Variants in ELMOD3 observed in about 807,000 individuals in gnomAD.
ELMOD3 encodes the protein ELMO domain containing 3.
In ELMOD3, 36 loss-of-function variants were observed where a neutral mutation model predicts 47.4. The ratio of observed to expected loss-of-function variants is 0.76; its 90% CI spans 0.58 to 1.00. The LOEUF (loss-of-function observed/expected upper bound fraction) is 1.00. ELMOD3 is among the 50% of genes least tolerant of loss of function. The pLI, the probability that ELMOD3 is intolerant of heterozygous loss-of-function variation, is 0.00. For missense variants in ELMOD3, 404 were observed against 463.8 expected, an observed-to-expected ratio of 0.87 and a Z score of 1.18; for synonymous variants, 149 against 183.5, an observed-to-expected ratio of 0.81 and a Z score of 1.52.
rs1215474115 is a variant in ELMOD3, at chr2:85,357,742, T to C, written c.54+490T>C. ...TGGGACAAAGCCTTTGCTTTGGGTC[T>C]CCAGAAAGATTTTCTTCACTGTAGT... On this transcript the variant is annotated intron_variant, in intron 4 of 13. Transcript: ENST00000409013. Among the ~76,000 whole-genome samples the C allele has an allele frequency of 1.3e-5, 2 of 152,200 alleles. 1 individual carries two copies. The highest frequency in any genetic ancestry group is 4.1e-4 in the South Asian group (2 of 4,834).
At chr2:85,361,664 T>C (rs576088684) in intron 4 of ELMOD3, among the ~76,000 whole-genome samples, 2 of 152,156 alleles carry the variant, frequency 1.3e-5, no homozygotes, top group Non-Finnish European at 2.9e-5. Context: ...GCCCGGTGGC[T>C]CACGCCTGTA....
chr2:85,361,812 T>A (rs541776575), intron 4 of ELMOD3, among the ~76,000 whole-genome samples: 325 of 152,108 alleles, frequency 2.1e-3, no homozygotes, highest in Non-Finnish European at 3.8e-3. Context: ...GCGCCTGTAG[T>A]CCCAGCTACT....
chr2:85,374,416 G>A (rs897983555), intron 10 of ELMOD3, among the ~76,000 whole-genome samples: 20 of 151,998 alleles, frequency 1.3e-4, no homozygotes, highest in Non-Finnish European at 2.6e-4. Flanking sequence ...ATCTCAGCTC[G>A]CTGCAACCTC....
rs1021969317 is a variant in ELMOD3, at chr2:85,362,384, C to T, written c.129+124C>T. 1.1e-5 allele frequency: 8 copies of T among 708,570 alleles called. No homozygotes were observed. In the African/African-American group the frequency reaches 1.4e-4, roughly 12 times the overall value. 43.9% of individuals were successfully genotyped at this position (708,570 alleles called of 1,614,324 possible). A position where few individuals can be genotyped will look rare whatever the true frequency, so the allele number is the denominator to read the frequency against. On this transcript the variant is annotated intron_variant, in intron 5 of 13. Transcript: ENST00000409013. ...GCATAGACCTTAGCTTCCAAGAGCT[C>T]ACACTTGAGGGGAGTGAGGGGAGGG...
At chr2:85,388,115 T>C (rs1686063345) in intron 11 of ELMOD3, among the ~76,000 whole-genome samples, 2 of 152,158 alleles carry the variant, frequency 1.3e-5, no homozygotes, top group South Asian at 4.1e-4. Flanking sequence ...AAAGCTGGTG[T>C]TCTGCATAAA....
intron 4 of ELMOD3, among the ~76,000 whole-genome samples, chr2:85,361,829 G>A (rs1038952746): frequency 5.3e-5 from 8 of 152,120 alleles, no homozygotes; most frequent in African/African-American, 1.4e-4. Flanking sequence ...TACTCGGAAG[G>A]CTGAGGCAGG....
chr2:85,361,772 A>G (rs931127007), intron 4 of ELMOD3, among the ~76,000 whole-genome samples: 1 of 152,060 alleles, frequency 6.6e-6, no homozygotes, highest in Non-Finnish European at 1.5e-5. Flanking sequence ...TACTAAAAAT[A>G]CAAAAAAAAT....
intron 11 of ELMOD3, chr2:85,387,242 C>T (rs565711013): frequency 1.5e-5 from 17 of 1,149,638 alleles, no homozygotes; most frequent in East Asian, 7.2e-5. Flanking sequence ...ATAATAACGA[C>T]GAACATTTGT....
intron 10 of ELMOD3, 142 bp from the exon 11 acceptor site, chr2:85,377,202 C>T: frequency 1.4e-6 from 1 of 733,294 alleles, no homozygotes. Flanking sequence ...AGAATGAGCC[C>T]CACAAGTGTG....
intron 11 of ELMOD3, 87 bp downstream of exon 11, chr2:85,377,561 A>G: frequency 7.1e-7 from 1 of 1,411,050 alleles, no homozygotes; most frequent in Non-Finnish European, 9.5e-7. Flanking sequence ...GACAGCTGAG[A>G]TAAACCAGGA....
chr2:85,370,841 T>C (rs766235063), intron 8 of ELMOD3, among the ~76,000 whole-genome samples: 3 of 152,228 alleles, frequency 2.0e-5, no homozygotes, highest in Non-Finnish European at 2.9e-5. Flanking sequence ...ATGCAAATAA[T>C]GGCTGATAAT....
chr2:85,373,466 G>A lies in ELMOD3; in HGVS notation c.607+1904G>A, dbSNP rs150546158. 1.8e-3 allele frequency among the ~76,000 whole-genome samples: 279 copies of A among 152,078 alleles called. 3 individuals are homozygous for A. The highest frequency in any genetic ancestry group is 6.3e-3 in the African/African-American group (263 of 41,512). On this transcript the variant is annotated intron_variant, in intron 10 of 13. Coordinates refer to ENST00000409013, the MANE Select transcript of ELMOD3 (RefSeq NM_001135022.2). ...AATTTTTTTGAGGAGGGGTTCTCAC[G>A]AAGAACCAGAAAACCTGCTAGACAA...
At chr2:85,371,767 C>G (rs1014836680) in intron 10 of ELMOD3, 20 of 584,024 alleles carry the variant, frequency 3.4e-5, no homozygotes, top group Non-Finnish European at 5.1e-5. Flanking sequence ...GGCGTGGTGG[C>G]TCACGCCTGT....
intron 4 of ELMOD3, among the ~76,000 whole-genome samples, chr2:85,359,232 A>G (rs1683770564): frequency 6.6e-6 from 1 of 152,158 alleles, no homozygotes; most frequent in Non-Finnish European, 1.5e-5. Context: ...ACTAGAATGC[A>G]GTATCAGGCC....
intron 11 of ELMOD3, among the ~76,000 whole-genome samples, chr2:85,385,451 T>TG (rs1045704340): frequency 6.6e-6 from 1 of 151,022 alleles, no homozygotes; most frequent in African/African-American, 2.4e-5. Context: ...CTGGCAGGGG[T>TG]GGGGGTCACA....
chr2:85,361,747 G>C (rs915391994), intron 4 of ELMOD3, among the ~76,000 whole-genome samples: 2 of 152,062 alleles, frequency 1.3e-5, no homozygotes, highest in Non-Finnish European at 2.9e-5. Flanking sequence ...GGCTAACACG[G>C]TGAAACCCCG....
chr2:85,390,614 T>G, intron 13 of ELMOD3, 146 bp from the exon 14 acceptor site: 1 of 1,517,784 alleles, frequency 6.6e-7, no homozygotes, highest in Non-Finnish European at 8.8e-7. Context: ...ACCTCTCTGG[T>G]GATCTCTCCA....
chr2:85,371,953 G>A (rs144117211), intron 10 of ELMOD3: 3 of 196,336 alleles, frequency 1.5e-5, no homozygotes, highest in South Asian at 8.9e-5. Flanking sequence ...GGTGGATCAC[G>A]AGGTCAAGAG....
intron 11 of ELMOD3, among the ~76,000 whole-genome samples, chr2:85,380,681 C>T (rs1685480578): frequency 6.6e-6 from 1 of 152,204 alleles, no homozygotes; most frequent in East Asian, 1.9e-4. Context: ...CCTGCCACCA[C>T]ACCCAGTTAA....
Sources: gnomAD v4.1 joint callset for allele counts (sites outside exome capture counted in the v4.1 genomes callset) on GRCh38, gnomAD v4.1.1 for gene constraint, MANE v1.5 for transcripts, NCBI Gene and HGNC (gene_info 2026-07-23, HGNC 2026-07-21) for gene names.